Variants in CPA6 observed in about 807,000 individuals in gnomAD.
The protein encoded by CPA6 is carboxypeptidase A6.
CPA6 carries 58 observed loss-of-function variants against 63.3 expected under a neutral mutation model. That is an observed-to-expected ratio of 0.92 (90% CI 0.74 to 1.14). CPA6 has a LOEUF of 1.14. Among genes scored for constraint, CPA6 ranks in the 50% most tolerant of loss-of-function variants. The pLI is 0.00. For synonymous variants in CPA6, 185 were observed against 179.0 expected (o/e 1.03, Z -0.27); for missense variants, 565 against 526.6 (o/e 1.07, Z -0.71).
chr8:67,566,282 C>T (rs1193647950), intron 2 of CPA6, among the ~76,000 whole-genome samples: 1 of 152,198 alleles, frequency 6.6e-6, no homozygotes, highest in Non-Finnish European at 1.5e-5. Flanking sequence ...CTGTTCTGAC[C>T]TTGCAGTCAC....
chr8:67,456,832 G>C (rs529400398), intron 8 of CPA6, among the ~76,000 whole-genome samples: 41 of 152,354 alleles, frequency 2.7e-4, no homozygotes, highest in Non-Finnish European at 4.9e-4. Context: ...CCTTATAAGA[G>C]GGAGATTTGA....
chr8:67,512,284 C>T (rs187950299), intron 3 of CPA6, among the ~76,000 whole-genome samples: 2 of 152,312 alleles, frequency 1.3e-5, no homozygotes, highest in African/African-American at 4.8e-5. Flanking sequence ...ACATCCCTTC[C>T]ATCACCAAGA....
intron 1 of CPA6, among the ~76,000 whole-genome samples, chr8:67,688,879 G>T (rs1348193993): frequency 6.6e-6 from 1 of 152,056 alleles, no homozygotes; most frequent in African/African-American, 2.4e-5. Flanking sequence ...AAAATTTAGA[G>T]AGATAAGATC....
At chr8:67,601,008 T>C (rs1814483137) in intron 2 of CPA6, among the ~76,000 whole-genome samples, 1 of 152,226 alleles carries the variant, frequency 6.6e-6, no homozygotes, top group South Asian at 2.1e-4. Flanking sequence ...TGCATGTATA[T>C]AATAAAATCT....
chr8:67,645,973 G>A (rs537136134), intron 1 of CPA6, among the ~76,000 whole-genome samples: 74 of 152,174 alleles, frequency 4.9e-4, no homozygotes, highest in Non-Finnish European at 8.4e-4. Flanking sequence ...CCTTAACTCT[G>A]CTTATCTTTA....
At chr8:67,650,356 G>C (rs1815808133) in intron 1 of CPA6, among the ~76,000 whole-genome samples, 1 of 152,078 alleles carries the variant, frequency 6.6e-6, no homozygotes, top group African/African-American at 2.4e-5. Flanking sequence ...GTTCGATCAG[G>C]ACTCTAGCTC....
At chr8:67,506,172 C>G (rs992586685) in intron 6 of CPA6, among the ~76,000 whole-genome samples, 2 of 152,140 alleles carry the variant, frequency 1.3e-5, no homozygotes, top group Admixed American at 6.5e-5. Context: ...GGGACCCACT[C>G]AACACACTAG....
At chr8:67,627,168 T>C (rs7814911) in intron 1 of CPA6, among the ~76,000 whole-genome samples, 42,077 of 152,036 alleles carry the variant, frequency 0.28, 5,995 homozygotes, top group African/African-American at 0.34. Flanking sequence ...CAGTAAATTA[T>C]ATTGATGGAA....
chr8:67,546,153 C>T (rs986047570), intron 2 of CPA6, among the ~76,000 whole-genome samples: 1 of 152,066 alleles, frequency 6.6e-6, no homozygotes. Flanking sequence ...GAGGCTTATA[C>T]AATGTGGGGT....
intron 2 of CPA6, among the ~76,000 whole-genome samples, chr8:67,526,267 C>A (rs983301638): frequency 2.7e-5 from 4 of 149,970 alleles, no homozygotes; most frequent in Non-Finnish European, 5.9e-5. Context: ...GTGGGAGAAA[C>A]AAAATGGGTC....
Position 67,422,488 on chromosome 8 carries a change from T to G in CPA6, c.*16A>C. ...GCTCAGAATCCTATGGCAGTTGACCTGAGCCTTGGGCTGTCTCAGGGACAT... is the reference window on the plus strand; with the variant it reads ...GCTCAGAATCCTATGGCAGTTGACCGGAGCCTTGGGCTGTCTCAGGGACAT... On this transcript the variant is annotated 3_prime_UTR_variant, in exon 11 of 11. Transcript: ENST00000297770. The G allele has an allele frequency of 6.2e-7, 1 of 1,608,444 alleles. No individual in the cohort carries two copies. Among genetic ancestry groups the G allele is most frequent in the Non-Finnish European group, 8.5e-7 (1 of 1,176,408 alleles).
chr8:67,526,797 C>T (rs1052115086), intron 2 of CPA6, among the ~76,000 whole-genome samples: 1 of 152,162 alleles, frequency 6.6e-6, no homozygotes, highest in African/African-American at 2.4e-5. Context: ...CACACCACTA[C>T]CCTTTTCATA....
intron 2 of CPA6, among the ~76,000 whole-genome samples, chr8:67,609,641 T>A (rs1001937607): frequency 1.3e-5 from 2 of 152,230 alleles, no homozygotes; most frequent in African/African-American, 4.8e-5. Context: ...TTATTTATAA[T>A]CTATCAATTG....
At chr8:67,697,432 C>A (rs1164455194) in intron 1 of CPA6, among the ~76,000 whole-genome samples, 1 of 152,206 alleles carries the variant, frequency 6.6e-6, no homozygotes, top group Non-Finnish European at 1.5e-5. Context: ...AGGAGGCCAT[C>A]TGACTTCTTT....
chr8:67,649,836 G>A (rs1341036219), intron 1 of CPA6, among the ~76,000 whole-genome samples: 1 of 152,128 alleles, frequency 6.6e-6, no homozygotes, highest in African/African-American at 2.4e-5. Flanking sequence ...CTTGAATGGT[G>A]GTGGATGCTG....
At chr8:67,645,689 C>T (rs1019460116) in intron 1 of CPA6, among the ~76,000 whole-genome samples, 1 of 152,146 alleles carries the variant, frequency 6.6e-6, no homozygotes, top group Admixed American at 6.5e-5. Context: ...TTTTAAAGCA[C>T]GTAATACCTT....
chr8:67,615,326 A>G (rs1032638608), intron 2 of CPA6, among the ~76,000 whole-genome samples: 2 of 152,364 alleles, frequency 1.3e-5, no homozygotes, highest in Middle Eastern at 6.8e-3. Flanking sequence ...AAAACCTCTC[A>G]GTCACCAAGA....
chr8:67,686,345 C>T (rs546790860), intron 1 of CPA6, among the ~76,000 whole-genome samples: 2 of 152,294 alleles, frequency 1.3e-5, no homozygotes, highest in African/African-American at 2.4e-5. Flanking sequence ...ATATATTCCC[C>T]TTGGTGGGCT....
intron 6 of CPA6, among the ~76,000 whole-genome samples, chr8:67,497,100 C>T (rs888590673): frequency 6.6e-6 from 1 of 152,154 alleles, no homozygotes; most frequent in Non-Finnish European, 1.5e-5. Context: ...TCATTGACTT[C>T]TTATTGAGAT....
Sources: gnomAD v4.1 joint callset for allele counts (sites outside exome capture counted in the v4.1 genomes callset) on GRCh38, gnomAD v4.1.1 for gene constraint, MANE v1.5 for transcripts, NCBI Gene and HGNC (gene_info 2026-07-23, HGNC 2026-07-21) for gene names.